C12orf42: variants seen among roughly 807,000 people sequenced by gnomAD.
C12orf42 encodes chromosome 12 open reading frame 42, also known as uncharacterized protein C12orf42.
In C12orf42, 25 loss-of-function variants were observed where a neutral mutation model predicts 21.6. The observed-to-expected ratio is 1.16, with a 90% CI of 0.84 to 1.62. The LOEUF is 1.62. Ranked by LOEUF, C12orf42 falls within the 40% of genes most tolerant of loss-of-function variation. The pLI is 0.00. For synonymous variants in C12orf42, 174 were observed against 175.0 expected, an observed-to-expected ratio of 0.99 and a Z score of 0.05; for missense variants, 483 against 459.3, an observed-to-expected ratio of 1.05 and a Z score of -0.47.
chr12:103,415,543 C>T (rs565230502), intron 2 of C12orf42, among the ~76,000 whole-genome samples: 4 of 152,188 alleles, frequency 2.6e-5, no homozygotes, highest in South Asian at 4.1e-4. Flanking sequence ...AAGCAAGTCT[C>T]GATTAATTTT....
the C12orf42 span, among the ~76,000 whole-genome samples, chr12:103,514,166 A>C: frequency 6.6e-6 from 1 of 152,288 alleles, no homozygotes; most frequent in South Asian, 2.1e-4. Flanking sequence ...AAACCATCAG[A>C]TCTCATGAGA....
the C12orf42 span, among the ~76,000 whole-genome samples, chr12:103,555,329 AGG>A: frequency 5.3e-5 from 8 of 152,284 alleles, no homozygotes; most frequent in Admixed American, 5.2e-4. Context: ...GAGCTTGTGC[AGG>A]GGAACTCCTC....
At chr12:103,474,884 C>T (rs1326644288) in intron 2 of C12orf42, among the ~76,000 whole-genome samples, 1 of 152,152 alleles carries the variant, frequency 6.6e-6, no homozygotes, top group Admixed American at 6.5e-5. Flanking sequence ...AAATTCTAAA[C>T]ATCAAATATT....
the C12orf42 span, among the ~76,000 whole-genome samples, chr12:103,166,969 C>T: frequency 1.3e-5 from 2 of 152,174 alleles, no homozygotes; most frequent in East Asian, 1.9e-4. Context: ...ATCTACCTGA[C>T]AACATTTTGA....
chr12:103,224,492 G>A, the C12orf42 span, among the ~76,000 whole-genome samples: 1 of 152,132 alleles, frequency 6.6e-6, no homozygotes, highest in Admixed American at 6.6e-5. Flanking sequence ...GGGAAATGGG[G>A]TGAATGTCAG....
chr12:103,407,819 A>G (rs899060653), intron 2 of C12orf42, among the ~76,000 whole-genome samples: 1 of 152,208 alleles, frequency 6.6e-6, no homozygotes, highest in Non-Finnish European at 1.5e-5. Context: ...CTGTTGACAA[A>G]GAATTTTGCA....
chr12:103,156,005 ATAT>A, the C12orf42 span: 1 of 151,778 alleles, frequency 6.6e-6, no homozygotes, highest in Non-Finnish European at 1.5e-5. Context: ...ACATTTGTTA[ATAT>A]TATTTTATAT....
chr12:103,118,482 T>C, the C12orf42 span, among the ~76,000 whole-genome samples: 1 of 152,150 alleles, frequency 6.6e-6, no homozygotes, highest in Non-Finnish European at 1.5e-5. Flanking sequence ...ATTATATCTC[T>C]TTAAGCACCT....
the C12orf42 span, among the ~76,000 whole-genome samples, chr12:103,126,850 A>G: frequency 1.3e-5 from 2 of 152,198 alleles, no homozygotes; most frequent in Non-Finnish European, 2.9e-5. Context: ...AGGAGACATC[A>G]CTATATAAAG....
At chr12:103,516,990 G>A in the C12orf42 span, among the ~76,000 whole-genome samples, 1 of 152,152 alleles carries the variant, frequency 6.6e-6, no homozygotes, top group Non-Finnish European at 1.5e-5. Flanking sequence ...GGACTACCAA[G>A]AAAGACCAGG....
intron 2 of C12orf42, among the ~76,000 whole-genome samples, chr12:103,438,859 T>C (rs978286409): frequency 4.0e-5 from 6 of 150,432 alleles, no homozygotes; most frequent in African/African-American, 1.5e-4. Context: ...TTCAATGCCA[T>C]CCCCATCAAG....
At chr12:103,530,491 C>T in the C12orf42 span, among the ~76,000 whole-genome samples, 5 of 152,148 alleles carry the variant, frequency 3.3e-5, no homozygotes, top group African/African-American at 1.2e-4. Context: ...TGGGAAAGCC[C>T]CATGTGTTGC....
the C12orf42 span, among the ~76,000 whole-genome samples, chr12:103,073,903 G>C: frequency 6.6e-6 from 1 of 152,044 alleles, no homozygotes; most frequent in African/African-American, 2.4e-5. Context: ...GACGTCATAC[G>C]TGGGGATTGC....
intron 4 of C12orf42, among the ~76,000 whole-genome samples, chr12:103,286,953 A>T (rs1378171291): frequency 2.6e-5 from 4 of 151,758 alleles, no homozygotes; most frequent in Non-Finnish European, 5.9e-5. Flanking sequence ...AAAAAAAAAA[A>T]TGCTCATCAT....
chr12:103,122,848 G>A, the C12orf42 span, among the ~76,000 whole-genome samples: 1 of 152,148 alleles, frequency 6.6e-6, no homozygotes, highest in Non-Finnish European at 1.5e-5. Context: ...GGGCAAAGGA[G>A]GCACATGAGC....
At chr12:103,251,143 G>A (rs1034625805) in intron 10 of C12orf42, among the ~76,000 whole-genome samples, 1 of 152,018 alleles carries the variant, frequency 6.6e-6, no homozygotes, top group African/African-American at 2.4e-5. Flanking sequence ...GACCTCATGG[G>A]CTGGTCATGC....
At position 103,349,709 on chromosome 12, in the gene C12orf42, G is replaced by A. The variant is rs536525847; in HGVS notation, c.259+19178C>T. Reference sequence around the variant, plus strand: ...TGCAATTTCAAATGCCAAAGACAATGTCCTAACATCTACAAACACTAAATA... The same window carrying A: ...TGCAATTTCAAATGCCAAAGACAATATCCTAACATCTACAAACACTAAATA... On this transcript the variant is annotated intron_variant, in intron 4 of 5. Coordinates refer to ENST00000548883, the MANE Select transcript of C12orf42 (RefSeq NM_198521.5). Among the ~76,000 whole-genome samples the A allele has an allele frequency of 3.4e-4, 51 of 152,130 alleles. No homozygotes were observed. In the South Asian group the frequency reaches 6.8e-3, roughly 20 times the overall value.
chr12:103,332,409 T>G (rs1279557035), intron 4 of C12orf42, among the ~76,000 whole-genome samples: 2 of 152,104 alleles, frequency 1.3e-5, no homozygotes, highest in Non-Finnish European at 2.9e-5. Context: ...CAGACTAGAT[T>G]GGGGATATGA....
At chr12:103,536,469 G>A in the C12orf42 span, among the ~76,000 whole-genome samples, 1 of 152,100 alleles carries the variant, frequency 6.6e-6, no homozygotes. Context: ...GAGTAGCCAG[G>A]GAAAATATAC....
Sources: gnomAD v4.1 joint callset for allele counts (sites outside exome capture counted in the v4.1 genomes callset) on GRCh38, gnomAD v4.1.1 for gene constraint, MANE v1.5 for transcripts, NCBI Gene and HGNC (gene_info 2026-07-23, HGNC 2026-07-21) for gene names.